Variants in FHIT observed in about 807,000 individuals in gnomAD.
The protein encoded by FHIT is fragile histidine triad diadenosine triphosphatase.
Under a neutral mutation model 17.9 loss-of-function variants are expected in FHIT, and 19 were observed. The ratio of observed to expected loss-of-function variants is 1.06; its 90% confidence interval spans 0.74 to 1.56. The LOEUF (loss-of-function observed/expected upper bound fraction) is 1.56. Ranked by LOEUF, FHIT falls within the 40% of genes most tolerant of loss-of-function variation. FHIT has a pLI of 0.00. For missense variants in FHIT, 248 were observed against 189.2 expected, an observed-to-expected ratio of 1.31 and a Z score of -1.82; for synonymous variants, 81 against 69.7, an observed-to-expected ratio of 1.16 and a Z score of -0.81.
At chr3:60,559,066 C>T (rs966737627) in intron 4 of FHIT, among the ~76,000 whole-genome samples, 1 of 152,156 alleles carries the variant, frequency 6.6e-6, no homozygotes, top group East Asian at 1.9e-4. Context: ...CCGCATTTTT[C>T]TCTGAGCTTC....
At chr3:61,038,140 A>C (rs2033344752) in intron 3 of FHIT, among the ~76,000 whole-genome samples, 1 of 152,264 alleles carries the variant, frequency 6.6e-6, no homozygotes, top group African/African-American at 2.4e-5. Context: ...ATGGAACTTT[A>C]AAATGGAATA....
chr3:61,142,558 A>C (rs1016506575), intron 2 of FHIT, among the ~76,000 whole-genome samples: 2 of 152,194 alleles, frequency 1.3e-5, no homozygotes, highest in African/African-American at 4.8e-5. Context: ...TCATGTCTAA[A>C]ATTTAGTGTG....
chr3:60,748,770 C>T (rs1329505200), intron 4 of FHIT, among the ~76,000 whole-genome samples: 1 of 152,158 alleles, frequency 6.6e-6, no homozygotes, highest in African/African-American at 2.4e-5. Context: ...CTAGATTGAG[C>T]CACTGGACTC....
chr3:60,560,541 T>C lies in FHIT; in HGVS notation c.-17-23562A>G, dbSNP rs76699176. Reference sequence around the variant, plus strand: ...GCCAAAACCAAAATGGATCTTCCTGTTCCCTCACCCCAGGTCTGCAGTGAC... The same window carrying C: ...GCCAAAACCAAAATGGATCTTCCTGCTCCCTCACCCCAGGTCTGCAGTGAC... On this transcript the variant is annotated intron_variant, in intron 4 of 9. Transcript: ENST00000492590. 9.4e-3 allele frequency among the ~76,000 whole-genome samples: 1,423 copies of C among 152,126 alleles called. 36 individuals are homozygous for C. Among genetic ancestry groups the C allele is most frequent in the African/African-American group, 0.032 (1,347 of 41,524 alleles).
intron 8 of FHIT, among the ~76,000 whole-genome samples, chr3:59,785,353 A>G (rs537364743): frequency 6.9e-6 from 1 of 145,402 alleles, no homozygotes; most frequent in Non-Finnish European, 1.5e-5. Flanking sequence ...TCTGTCTCCC[A>G]GGCTGGAGTG....
chr3:60,249,418 G>C (rs1019276643), intron 5 of FHIT, among the ~76,000 whole-genome samples: 1 of 151,980 alleles, frequency 6.6e-6, no homozygotes, highest in African/African-American at 2.4e-5. Flanking sequence ...TCCATCACTT[G>C]GGCTATAAGG....
chr3:60,545,304 A>G (rs556230195), intron 4 of FHIT, among the ~76,000 whole-genome samples: 2 of 152,266 alleles, frequency 1.3e-5, no homozygotes, highest in South Asian at 4.1e-4. Context: ...AAGTTTTTTA[A>G]ATAATGAACT....
chr3:59,839,899 G>A (rs543816517), intron 8 of FHIT, among the ~76,000 whole-genome samples: 4 of 152,318 alleles, frequency 2.6e-5, no homozygotes, highest in South Asian at 4.1e-4. Flanking sequence ...GGCTTGAAGT[G>A]ACAAGGTCCC....
rs188394026 is a variant in FHIT at position 60,176,579 on chromosome 3, G to A, written c.104-162427C>T. On this transcript the variant is annotated intron_variant, in intron 5 of 9. Transcript: ENST00000492590. Reference sequence around the variant, plus strand: ...CACCTGGCAACTGCCATATGGAAACGGACAAACACCTAGGTAGGTGGGGTA... The same window carrying A: ...CACCTGGCAACTGCCATATGGAAACAGACAAACACCTAGGTAGGTGGGGTA... Among the ~76,000 whole-genome samples the A allele has an allele frequency of 7.9e-5, 12 of 152,238 alleles. No homozygotes were observed. In the East Asian group the frequency reaches 1.4e-3, roughly 17 times the overall value.
intron 5 of FHIT, among the ~76,000 whole-genome samples, chr3:60,280,360 T>G (rs139836225): frequency 6.6e-6 from 1 of 152,324 alleles, no homozygotes; most frequent in African/African-American, 2.4e-5. Flanking sequence ...GTCTTAACTT[T>G]TAAAACATGA....
intron 5 of FHIT, among the ~76,000 whole-genome samples, chr3:60,431,561 A>T (rs1251575719): frequency 6.6e-6 from 1 of 152,134 alleles, no homozygotes. Flanking sequence ...ATTTAAGTAT[A>T]TATTTTAATT....
intron 5 of FHIT, among the ~76,000 whole-genome samples, chr3:60,270,318 A>G (rs1387217842): frequency 2.6e-5 from 4 of 152,304 alleles, no homozygotes; most frequent in Middle Eastern, 3.4e-3. Context: ...AGTGAGAGAC[A>G]CATTTGTGTC....
At chr3:60,390,634 G>A (rs1701192257) in intron 5 of FHIT, among the ~76,000 whole-genome samples, 1 of 152,018 alleles carries the variant, frequency 6.6e-6, no homozygotes, top group South Asian at 2.1e-4. Flanking sequence ...GACAAGATGT[G>A]GAGGTGGAAG....
intron 7 of FHIT, among the ~76,000 whole-genome samples, chr3:59,959,112 C>A (rs1327429149): frequency 6.6e-6 from 1 of 152,184 alleles, no homozygotes; most frequent in South Asian, 2.1e-4. Flanking sequence ...TGCAGGCCTC[C>A]TTGCACGTAT....
At chr3:61,123,730 T>A (rs2036529127) in intron 2 of FHIT, among the ~76,000 whole-genome samples, 1 of 152,132 alleles carries the variant, frequency 6.6e-6, no homozygotes, top group Admixed American at 6.6e-5. Flanking sequence ...TAATAAATGT[T>A]CAGCAACTGG....
chr3:59,806,191 A>AG (rs1053293288), intron 8 of FHIT, among the ~76,000 whole-genome samples: 1 of 152,014 alleles, frequency 6.6e-6, no homozygotes, highest in Admixed American at 6.5e-5. Context: ...AAAAAAAAAA[A>AG]AGATCATGGG....
chr3:60,520,801 G>C (rs900858348), intron 5 of FHIT, among the ~76,000 whole-genome samples: 4 of 151,942 alleles, frequency 2.6e-5, no homozygotes, highest in African/African-American at 4.8e-5. Flanking sequence ...TAAACCCCCT[G>C]AGGGTTTAAT....
intron 8 of FHIT, among the ~76,000 whole-genome samples, chr3:59,804,705 A>C (rs973202684): frequency 2.6e-5 from 4 of 152,140 alleles, no homozygotes; most frequent in African/African-American, 9.7e-5. Flanking sequence ...GTCATAGCTC[A>C]AGTGTGAATC....
At chr3:60,502,389 G>A (rs544128767) in intron 5 of FHIT, among the ~76,000 whole-genome samples, 3 of 152,192 alleles carry the variant, frequency 2.0e-5, no homozygotes, top group African/African-American at 2.4e-5. Context: ...GACCTTGCAC[G>A]GCACAGCATT....
Sources: allele counts gnomAD v4.1 joint callset (sites outside exome capture counted in the v4.1 genomes callset), GRCh38; gene constraint gnomAD v4.1.1; transcripts MANE v1.5; gene names NCBI Gene and HGNC (gene_info 2026-07-23, HGNC 2026-07-21).